The following METTL8 variants were observed in gnomAD, a reference collection of about 807,000 sequenced individuals.
The protein encoded by METTL8 is tRNA N(3)-cytidine methyltransferase METTL8, mitochondrial.
In METTL8, 32 loss-of-function variants were observed where a neutral mutation model predicts 48.7. That is an observed-to-expected ratio of 0.66 (90% CI 0.50 to 0.88). METTL8 has a LOEUF of 0.88. Among genes scored for constraint, METTL8 ranks in the 40% least tolerant of loss-of-function variants. The pLI is 0.00. For synonymous variants in METTL8, 136 were observed against 157.1 expected (o/e 0.87, Z 1.01); for missense variants, 464 against 474.4 (o/e 0.98, Z 0.20).
At chr2:171,404,798 T>C (rs951655842) in intron 1 of METTL8, among the ~76,000 whole-genome samples, 1 of 152,304 alleles carries the variant, frequency 6.6e-6, no homozygotes, top group Admixed American at 6.5e-5. Flanking sequence ...ACAATCTTGG[T>C]GTACATTGAG....
At chr2:171,408,973 G>T (rs1019612591) in intron 1 of METTL8, among the ~76,000 whole-genome samples, 4 of 152,208 alleles carry the variant, frequency 2.6e-5, no homozygotes, top group Middle Eastern at 3.2e-3. Flanking sequence ...ACAGGGCTTT[G>T]TGAATACCAC....
At chr2:171,413,268 G>A (rs933656041) in intron 1 of METTL8, among the ~76,000 whole-genome samples, 3 of 152,176 alleles carry the variant, frequency 2.0e-5, no homozygotes, top group Admixed American at 6.5e-5. Flanking sequence ...TTCATCTGAA[G>A]AGACAAAGCA....
Position 171,369,843 on chromosome 2 carries a change from G to A in METTL8, c.144-9330C>T, listed in dbSNP as rs549783409. On this transcript the variant is annotated intron_variant, in intron 2 of 9. Coordinates refer to ENST00000375258, the MANE Select transcript of METTL8 (RefSeq NM_001321154.2). ...AGCATTTTGGGAGGCCAAGGCGGGC[G>A]GATCATGAGGTCAGGAGTTCAAGAC... is the stretch of plus-strand genomic sequence containing the variant. Among the ~76,000 whole-genome samples, 11 of 152,064 alleles carry A rather than the reference G, an allele frequency of 7.2e-5. No individual in the cohort carries two copies. The South Asian group carries it at 1.5e-3, about 20-fold the overall frequency.
At chr2:171,400,408 C>T (rs936022569) in intron 1 of METTL8, among the ~76,000 whole-genome samples, 1 of 152,120 alleles carries the variant, frequency 6.6e-6, no homozygotes, top group Non-Finnish European at 1.5e-5. Flanking sequence ...AATGGGGTTG[C>T]TAATTTTGTT....
intron 2 of METTL8, among the ~76,000 whole-genome samples, chr2:171,372,363 A>C (rs566353610): frequency 6.6e-6 from 1 of 152,030 alleles, no homozygotes; most frequent in African/African-American, 2.4e-5. Context: ...TCTCATCCCC[A>C]TTCCCATCTC....
chr2:171,378,810 G>T (rs1687230444), intron 2 of METTL8, among the ~76,000 whole-genome samples: 1 of 152,074 alleles, frequency 6.6e-6, no homozygotes, highest in South Asian at 2.1e-4. Flanking sequence ...ATAGTGGTGG[G>T]AGACTTTAAC....
intron 3 of METTL8, among the ~76,000 whole-genome samples, chr2:171,348,986 A>T (rs1198830238): frequency 6.6e-6 from 1 of 152,298 alleles, no homozygotes; most frequent in African/African-American, 2.4e-5. Flanking sequence ...GCTTTTTAAA[A>T]AAATTGTGAT....
In METTL8 at chr2:171,362,335, G is replaced by GAT; in HGVS notation, c.144-1824_144-1823dup. On this transcript the variant is annotated intron_variant, in intron 2 of 9. Transcript: ENST00000375258. Reference sequence around the variant, plus strand: ...GAAATTAAGACCTAGAGATTAACTAGATATTGGAGTAGAAGTGTAAGAGTC... The same window carrying GAT: ...GAAATTAAGACCTAGAGATTAACTAGATATATTGGAGTAGAAGTGTAAGAGTC... 4.6e-5 allele frequency among the ~76,000 whole-genome samples: 7 copies of GAT among 152,192 alleles called. 2 individuals are homozygous for GAT. The highest frequency in any genetic ancestry group is 1.7e-4 in the African/African-American group (7 of 41,540).
rs1684452923 is a variant in METTL8 at position 171,320,075 on chromosome 2, T to C, written c.*4097A>G. 1 of 152,122 alleles carries C rather than the reference T, an allele frequency of 6.6e-6. No individual in the cohort carries two copies. The highest frequency in any genetic ancestry group is 1.5e-5 in the Non-Finnish European group (1 of 68,008). The allele number at this position is 152,122 out of a possible 1,614,324, so 9.4% of individuals were successfully genotyped here. Reference sequence around the variant, plus strand: ...TAAACTAATACCCAAGCAGTTACATTTGCAACGCTTCATGATTTCTTAACA... The same window carrying C: ...TAAACTAATACCCAAGCAGTTACATCTGCAACGCTTCATGATTTCTTAACA... On this transcript the variant is annotated 3_prime_UTR_variant, in exon 10 of 10. Coordinates refer to ENST00000375258, the MANE Select transcript of METTL8 (RefSeq NM_001321154.2).
At chr2:171,401,506 G>A (rs1689636557) in intron 1 of METTL8, among the ~76,000 whole-genome samples, 1 of 152,134 alleles carries the variant, frequency 6.6e-6, no homozygotes, top group Non-Finnish European at 1.5e-5. Flanking sequence ...GCTTCAAAAT[G>A]GGAATTTCAT....
intron 3 of METTL8, among the ~76,000 whole-genome samples, chr2:171,357,217 C>A (rs1050239025): frequency 1.3e-5 from 2 of 152,180 alleles, no homozygotes; most frequent in Admixed American, 1.3e-4. Flanking sequence ...CCCTGGCCCC[C>A]CAAAGTTCTG....
At position 171,352,933 on chromosome 2, in the gene METTL8, T is replaced by C. The variant is rs1684102908; in HGVS notation, c.235+7489A>G. 2.6e-5 allele frequency among the ~76,000 whole-genome samples: 4 copies of C among 152,346 alleles called. No homozygotes were observed. The South Asian group carries it at 8.3e-4, about 32-fold the overall frequency. ...TCAAAAAACCAGCTCCTGGATTCAT[T>C]GATTTTTTGAAGGGTTTTTTGTGTC... On this transcript the variant is annotated intron_variant, in intron 3 of 9. Coordinates refer to ENST00000375258, the MANE Select transcript of METTL8 (RefSeq NM_001321154.2).
chr2:171,422,184 C>T (rs727231), intron 1 of METTL8, among the ~76,000 whole-genome samples: 26,735 of 152,076 alleles, frequency 0.18, 2,914 homozygotes, highest in Admixed American at 0.28. Flanking sequence ...TAGACTTGAC[C>T]AGATAGGTAA....
At chr2:171,332,956 C>A (rs192094016) in intron 5 of METTL8, among the ~76,000 whole-genome samples, 54 of 152,196 alleles carry the variant, frequency 3.5e-4, no homozygotes, top group African/African-American at 1.2e-3. Flanking sequence ...GGCCTTGAAG[C>A]ATATCATTAA....
At chr2:171,329,495 G>C (rs1368131427) in intron 7 of METTL8, among the ~76,000 whole-genome samples, 1 of 152,120 alleles carries the variant, frequency 6.6e-6, no homozygotes, top group Non-Finnish European at 1.5e-5. Flanking sequence ...CTTTCTATTA[G>C]TACCTGAACA....
In METTL8 at chr2:171,320,157, A is replaced by G. The variant is rs1684455546; in HGVS notation, c.*4015T>C. 1 of 151,986 alleles carries G rather than the reference A, an allele frequency of 6.6e-6. No homozygotes were observed. Among genetic ancestry groups the G allele is most frequent in the African/African-American group, 2.4e-5 (1 of 41,386 alleles). 9.4% of individuals were successfully genotyped at this position (151,986 alleles called of 1,614,324 possible). The stretch of plus-strand genomic sequence containing the variant: ...CTTTTCTTTCTGTGCCAAAATCTAC[A>G]TTTCTATCTAGCAGCAAACCCCGAG... On this transcript the variant is annotated 3_prime_UTR_variant, in exon 10 of 10. Transcript: ENST00000375258.
At chr2:171,332,331 A>C (rs1575731447) in intron 5 of METTL8, 1 of 145,592 alleles carries the variant, frequency 6.9e-6, no homozygotes, top group Non-Finnish European at 1.4e-5. Context: ...CCCAGGCTGG[A>C]GTATAGTGGC....
chr2:171,430,370 CA>C (rs1288171655), intron 1 of METTL8, among the ~76,000 whole-genome samples: 24 of 142,386 alleles, frequency 1.7e-4, no homozygotes, highest in South Asian at 2.2e-4. Context: ...AAACAAAAAA[CA>C]AAAAAAAAAG....
At chr2:171,408,346 G>A (rs1299475134) in intron 1 of METTL8, among the ~76,000 whole-genome samples, 1 of 150,020 alleles carries the variant, frequency 6.7e-6, no homozygotes, top group African/African-American at 2.5e-5. Context: ...CCAGGCTGGA[G>A]TGCAATGGCA....
Sources: allele counts gnomAD v4.1 joint callset (sites outside exome capture counted in the v4.1 genomes callset), GRCh38; gene constraint gnomAD v4.1.1; transcripts MANE v1.5; gene names NCBI Gene and HGNC (gene_info 2026-07-23, HGNC 2026-07-21).